CNTNAP2: variants seen among roughly 807,000 people sequenced by gnomAD.
CNTNAP2 encodes the protein contactin-associated protein-like 2.
CNTNAP2 carries 98 observed loss-of-function variants against 155.2 expected under a neutral mutation model. That is an observed-to-expected ratio of 0.63 (90% CI 0.54 to 0.75). The LOEUF (loss-of-function observed/expected upper bound fraction) is 0.75. Ranked by LOEUF, CNTNAP2 falls within the 30% of genes least tolerant of loss-of-function variation. The probability of loss-of-function intolerance (pLI) is 0.00; values close to 1 mark genes in which losing one functional copy is unlikely to be tolerated. For missense variants in CNTNAP2, 1,727 were observed against 1,688.1 expected, an observed-to-expected ratio of 1.02 and a Z score of -0.40; for synonymous variants, 651 against 631.2, an observed-to-expected ratio of 1.03 and a Z score of -0.47.
At chr7:148,410,469 A>C (rs1158100414) in intron 23 of CNTNAP2, among the ~76,000 whole-genome samples, 1 of 151,150 alleles carries the variant, frequency 6.6e-6, no homozygotes, top group Non-Finnish European at 1.5e-5. Flanking sequence ...CGGGAGCCTG[A>C]GACAAGAGAA....
chr7:147,392,303 G>C (rs1418549569), intron 9 of CNTNAP2, among the ~76,000 whole-genome samples: 1 of 140,574 alleles, frequency 7.1e-6, no homozygotes, highest in Non-Finnish European at 1.6e-5. Context: ...TTCTCTGCCA[G>C]TATCAAATTC....
At chr7:148,400,793 A>G (rs1396743774) in intron 22 of CNTNAP2, among the ~76,000 whole-genome samples, 2 of 152,162 alleles carry the variant, frequency 1.3e-5, no homozygotes, top group Non-Finnish European at 2.9e-5. Flanking sequence ...CAGCCTAACC[A>G]ACATGGTGAA....
chr7:147,295,096 CTAATAG>C (rs1433808988), intron 8 of CNTNAP2, among the ~76,000 whole-genome samples: 3 of 152,152 alleles, frequency 2.0e-5, no homozygotes, highest in African/African-American at 4.8e-5. Context: ...TGTACAAATA[CTAATAG>C]TAACTAGTAT....
At chr7:146,530,532 G>A (rs801943) in intron 1 of CNTNAP2, among the ~76,000 whole-genome samples, 18,155 of 152,086 alleles carry the variant, frequency 0.12, 2,891 homozygotes, top group African/African-American at 0.36. Context: ...CAAGTTTACA[G>A]GCAAAAAACA....
chr7:147,579,820 G>C (rs1210598535), intron 12 of CNTNAP2, among the ~76,000 whole-genome samples: 1 of 152,020 alleles, frequency 6.6e-6, no homozygotes, highest in Admixed American at 6.6e-5. Context: ...CATATGAAAT[G>C]ATATTTCACA....
intron 1 of CNTNAP2, among the ~76,000 whole-genome samples, chr7:146,315,797 T>C (rs1800896097): frequency 6.6e-6 from 1 of 152,250 alleles, no homozygotes; most frequent in Non-Finnish European, 1.5e-5. Context: ...CTATAGCTTC[T>C]TGTGGCTTAG....
intron 1 of CNTNAP2, among the ~76,000 whole-genome samples, chr7:146,140,639 C>T (rs1797863659): frequency 6.6e-6 from 1 of 152,028 alleles, no homozygotes; most frequent in Admixed American, 6.6e-5. Flanking sequence ...TTAATAAATG[C>T]TTGGATTTCA....
At chr7:148,143,331 T>C (rs1805113060) in intron 16 of CNTNAP2, among the ~76,000 whole-genome samples, 1 of 152,180 alleles carries the variant, frequency 6.6e-6, no homozygotes, top group African/African-American at 2.4e-5. Flanking sequence ...AGCAATAACA[T>C]AACAGCATAT....
intron 1 of CNTNAP2, among the ~76,000 whole-genome samples, chr7:146,465,581 T>A (rs543533544): frequency 6.6e-6 from 1 of 152,288 alleles, no homozygotes; most frequent in African/African-American, 2.4e-5. Flanking sequence ...AGAATTTCTG[T>A]GCATTCCATG....
intron 9 of CNTNAP2, among the ~76,000 whole-genome samples, chr7:147,316,845 C>T (rs979780606): frequency 2.0e-5 from 3 of 152,068 alleles, no homozygotes; most frequent in African/African-American, 4.8e-5. Flanking sequence ...CACCCAAAGT[C>T]GTGATTTTGA....
At chr7:146,569,085 T>C (rs12703824) in intron 1 of CNTNAP2, among the ~76,000 whole-genome samples, 122,515 of 151,870 alleles carry the variant, frequency 0.81, 49,931 homozygotes, top group African/African-American at 0.87. Flanking sequence ...GGCGCAATCT[T>C]GGCTCACCGC....
chr7:147,620,855 G>GCAAA (rs1794836141), intron 12 of CNTNAP2, among the ~76,000 whole-genome samples: 1 of 152,032 alleles, frequency 6.6e-6, no homozygotes, highest in Non-Finnish European at 1.5e-5. Flanking sequence ...AAACCCTAGG[G>GCAAA]AAAGATATCA....
At chr7:147,778,803 G>A (rs1347478617) in intron 13 of CNTNAP2, among the ~76,000 whole-genome samples, 4 of 152,170 alleles carry the variant, frequency 2.6e-5, no homozygotes, top group South Asian at 2.1e-4. Flanking sequence ...GAGCCACCGC[G>A]CCCGGCCTGG....
At chr7:147,707,336 C>T (rs1258447839) in intron 13 of CNTNAP2, among the ~76,000 whole-genome samples, 3 of 152,188 alleles carry the variant, frequency 2.0e-5, no homozygotes, top group Non-Finnish European at 4.4e-5. Flanking sequence ...GGCTTTGATT[C>T]TGGATGCTTG....
chr7:147,301,586 CTCTCTCTGTGTGTG>C (rs1563152210), intron 9 of CNTNAP2, among the ~76,000 whole-genome samples: 4 of 63,070 alleles, frequency 6.3e-5, no homozygotes, highest in Admixed American at 3.5e-4. Flanking sequence ...CTCTCTCTCT[CTCTCTCTGTGTGTG>C]TGTGTGTGTG....
intron 20 of CNTNAP2, among the ~76,000 whole-genome samples, chr7:148,251,919 C>A (rs566424422): frequency 6.6e-6 from 1 of 152,196 alleles, no homozygotes; most frequent in Non-Finnish European, 1.5e-5. Flanking sequence ...GTTCCATATA[C>A]GTACCACAGC....
intron 4 of CNTNAP2, among the ~76,000 whole-genome samples, chr7:147,067,031 G>A (rs888073350): frequency 1.3e-5 from 2 of 152,102 alleles, no homozygotes; most frequent in African/African-American, 4.8e-5. Context: ...ATTGGCTGAC[G>A]CCTGTAATCC....
intron 1 of CNTNAP2, among the ~76,000 whole-genome samples, chr7:146,422,744 C>T (rs2129114438): frequency 6.6e-6 from 1 of 152,176 alleles, no homozygotes; most frequent in South Asian, 2.1e-4. Context: ...GCCTTGGAAT[C>T]CTAAAGTGCT....
intron 3 of CNTNAP2, among the ~76,000 whole-genome samples, chr7:146,891,520 A>C (rs1357300398): frequency 6.6e-6 from 1 of 152,244 alleles, no homozygotes; most frequent in Non-Finnish European, 1.5e-5. Flanking sequence ...GCAAAAGATA[A>C]ATTACACAGA....
Sources: gnomAD v4.1 joint callset for allele counts (sites outside exome capture counted in the v4.1 genomes callset) on GRCh38, gnomAD v4.1.1 for gene constraint, MANE v1.5 for transcripts, NCBI Gene and HGNC (gene_info 2026-07-23, HGNC 2026-07-21) for gene names.